Variants in NRCAM observed in about 807,000 individuals in gnomAD.
The protein encoded by NRCAM is neuronal cell adhesion molecule, also known as NgCAM-related cell adhesion molecule.
A neutral mutation model predicts 156.5 loss-of-function variants in NRCAM; 83 were observed. The observed-to-expected ratio is 0.53, with a 90% CI of 0.44 to 0.64. The LOEUF (loss-of-function observed/expected upper bound fraction) is 0.64, where lower values mean the gene tolerates loss of function less well. Ranked by LOEUF, NRCAM falls within the 30% of genes least tolerant of loss-of-function variation. NRCAM has a pLI of 0.00. For synonymous variants in NRCAM, 538 were observed against 563.9 expected (o/e 0.95, Z 0.65); for missense variants, 1,417 against 1,597.3 (o/e 0.89, Z 1.92).
At chr7:108,328,599 C>T (rs993278365) in intron 2 of NRCAM, 1 of 152,196 alleles carries the variant, frequency 6.6e-6, no homozygotes, top group South Asian at 2.1e-4. Context: ...CAATCCAAAG[C>T]TGCTCAGACC....
chr7:108,425,036 T>G (rs1815299383), intron 1 of NRCAM, among the ~76,000 whole-genome samples: 1 of 152,266 alleles, frequency 6.6e-6, no homozygotes, highest in Admixed American at 6.5e-5. Flanking sequence ...ATTAGTGCCT[T>G]AGGACATTAG....
Position 108,182,724 on chromosome 7 carries a change from G to T in NRCAM, c.2501C>A (p.Ala834Asp), listed in dbSNP as rs780810442. ...LNDMGFAPEP[A>D]VVMGHSGEDL... Reference sequence around the variant, plus strand: ...TTCTCCAGAATGTCCCATGACTACAGCTGGCTCGGGGGCAAACCCCATGTC... The same window carrying T: ...TTCTCCAGAATGTCCCATGACTACATCTGGCTCGGGGGCAAACCCCATGTC... The change falls in exon 23 of 33, where the codon GCT becomes GAT. Residue 834 changes from alanine to aspartate, a missense_variant. Coordinates refer to ENST00000379028, the MANE Select transcript of NRCAM (RefSeq NM_001037132.4). 20 of 1,614,114 alleles carry T rather than the reference G, an allele frequency of 1.2e-5. 1 individual carries two copies. In the Middle Eastern group the frequency reaches 4.9e-4, roughly 40 times the overall value.
chr7:108,416,108 A>G (rs776700080), intron 1 of NRCAM, among the ~76,000 whole-genome samples: 2 of 152,228 alleles, frequency 1.3e-5, no homozygotes, highest in Non-Finnish European at 2.9e-5. Flanking sequence ...TCCATGACAG[A>G]ACGGGCCAGC....
At chr7:108,362,789 T>C (rs535154360) in intron 2 of NRCAM, among the ~76,000 whole-genome samples, 1 of 151,974 alleles carries the variant, frequency 6.6e-6, no homozygotes, top group African/African-American at 2.4e-5. Flanking sequence ...TTTATAGATA[T>C]GTGTATCTAC....
At chr7:108,452,578 G>A (rs1467924431) in intron 1 of NRCAM, among the ~76,000 whole-genome samples, 1 of 152,180 alleles carries the variant, frequency 6.6e-6, no homozygotes, top group Non-Finnish European at 1.5e-5. Flanking sequence ...GTTCCTGGAA[G>A]GGATGCTTCA....
intron 3 of NRCAM, among the ~76,000 whole-genome samples, chr7:108,245,036 T>C (rs1447613621): frequency 1.3e-5 from 2 of 152,242 alleles, no homozygotes; most frequent in Non-Finnish European, 2.9e-5. Context: ...GGCACAGCGA[T>C]GAGTCTCCTC....
chr7:108,232,770 T>G (rs1334658674), intron 6 of NRCAM, among the ~76,000 whole-genome samples: 2 of 152,140 alleles, frequency 1.3e-5, no homozygotes, highest in Non-Finnish European at 2.9e-5. Context: ...AAAGAAATCA[T>G]GCACACAAAT....
chr7:108,412,447 ATATT>A (rs1796601068), intron 1 of NRCAM, among the ~76,000 whole-genome samples: 1 of 152,132 alleles, frequency 6.6e-6, no homozygotes, highest in African/African-American at 2.4e-5. Flanking sequence ...AAAATTGTAT[ATATT>A]TATAATGTAC....
rs1372869475 is a variant in NRCAM, at chr7:108,255,873, TGAG to T, written c.-106-15706_-106-15704del. ...CCCGGCAGCCGCCCCGTCTGGGAAG[TGAG>T]GAGCGTCTCCGCCCGGCAGCCGCCC... On this transcript the variant is annotated intron_variant, in intron 3 of 32. Transcript: ENST00000379028. Among the ~76,000 whole-genome samples the T allele has an allele frequency of 2.5e-4, 38 of 149,926 alleles. No individual in the cohort carries two copies. In the East Asian group the frequency reaches 7.1e-3, roughly 28 times the overall value.
intron 1 of NRCAM, among the ~76,000 whole-genome samples, chr7:108,423,742 T>C (rs1443672070): frequency 6.6e-6 from 1 of 152,248 alleles, no homozygotes; most frequent in African/African-American, 2.4e-5. Context: ...ACCTGTTCTC[T>C]ACCACTCGGT....
intron 1 of NRCAM, among the ~76,000 whole-genome samples, chr7:108,454,119 T>G (rs1853737263): frequency 6.6e-6 from 1 of 152,240 alleles, no homozygotes. Context: ...GATTGTGGGT[T>G]AACAGCCACG....
chr7:108,155,097 TATATACAC>T (rs1429745392), intron 32 of NRCAM, among the ~76,000 whole-genome samples: 9 of 89,684 alleles, frequency 1.0e-4, no homozygotes, highest in African/African-American at 5.6e-4. Context: ...CATATATATA[TATATACAC>T]ACACACACAC....
chr7:108,320,957 C>T, intron 2 of NRCAM, among the ~76,000 whole-genome samples: 1 of 152,180 alleles, frequency 6.6e-6, no homozygotes, highest in Non-Finnish European at 1.5e-5. Flanking sequence ...CTGTGCATTT[C>T]ATATTCTGGA....
At chr7:108,231,600 A>G (rs1180141485) in intron 7 of NRCAM, among the ~76,000 whole-genome samples, 3 of 152,204 alleles carry the variant, frequency 2.0e-5, no homozygotes, top group African/African-American at 7.2e-5. Flanking sequence ...TAAGTCAGAA[A>G]AGGTTGTAAG....
chr7:108,348,261 GGAGACACAGT>G (rs1563372312), intron 2 of NRCAM, among the ~76,000 whole-genome samples: 1 of 152,116 alleles, frequency 6.6e-6, no homozygotes, highest in Non-Finnish European at 1.5e-5. Context: ...TATATGTGTG[GGAGACACAGT>G]GATAAATTTC....
At position 108,408,803 on chromosome 7, in the gene NRCAM, G is replaced by A. The variant is rs558594083; in HGVS notation, c.-331-9210C>T. On this transcript the variant is annotated intron_variant, in intron 1 of 32. Transcript: ENST00000379028. ...TCACCAAGCTGAGCACTCCCTGAAA[G>A]GGATTAGAAGAGAAAGAAATGGAGC... is the stretch of plus-strand genomic sequence containing the variant. Among the ~76,000 whole-genome samples the A allele has an allele frequency of 3.0e-4, 45 of 152,318 alleles. 1 individual carries two copies. The highest frequency in any genetic ancestry group is 1.1e-3 in the African/African-American group (44 of 41,568).
chr7:108,201,176 T>TAAA (rs71522858), intron 13 of NRCAM, among the ~76,000 whole-genome samples: 32,393 of 130,046 alleles, frequency 0.25, 3,923 homozygotes, highest in Non-Finnish European at 0.29. Flanking sequence ...TTAAGGTCGG[T>TAAA]AAAAAAAAAA....
intron 2 of NRCAM, among the ~76,000 whole-genome samples, chr7:108,378,170 G>A (rs972846289): frequency 5.3e-5 from 8 of 152,036 alleles, no homozygotes; most frequent in African/African-American, 1.9e-4. Context: ...TTCCTATGTT[G>A]GAATACTAAA....
At chr7:108,354,786 C>A (rs184170443) in intron 2 of NRCAM, among the ~76,000 whole-genome samples, 2 of 151,784 alleles carry the variant, frequency 1.3e-5, no homozygotes, top group African/African-American at 4.8e-5. Flanking sequence ...CCCAGCTACT[C>A]GGGAGGCAGA....
Sources: allele counts gnomAD v4.1 joint callset (sites outside exome capture counted in the v4.1 genomes callset), GRCh38; gene constraint gnomAD v4.1.1; transcripts MANE v1.5; gene names NCBI Gene and HGNC (gene_info 2026-07-23, HGNC 2026-07-21).